LMNTD1: variants seen among roughly 807,000 people sequenced by gnomAD.
The protein encoded by LMNTD1 is lamin tail domain-containing protein 1.
A neutral mutation model predicts 50.9 loss-of-function variants in LMNTD1; 35 were observed. That is an observed-to-expected ratio of 0.69 (90% CI 0.53 to 0.91). LMNTD1 has a LOEUF of 0.91. Among genes scored for constraint, LMNTD1 ranks in the 40% least tolerant of loss-of-function variants. The pLI is 0.00. For synonymous variants in LMNTD1, 153 were observed against 161.9 expected (o/e 0.94, Z 0.42); for missense variants, 470 against 475.5 (o/e 0.99, Z 0.11).
At chr12:25,596,966 T>C (rs1182283117) in intron 1 of LMNTD1, among the ~76,000 whole-genome samples, 2 of 152,064 alleles carry the variant, frequency 1.3e-5, no homozygotes, top group East Asian at 3.9e-4. Context: ...AGGTTGTTTA[T>C]TCAACAGCGT....
intron 9 of LMNTD1, 62 bp downstream of exon 9, chr12:25,503,675 GC>G: frequency 2.4e-6 from 2 of 827,374 alleles, no homozygotes; most frequent in Non-Finnish European, 2.1e-6. Context: ...AGACATTTCT[GC>G]CCATTACTTT....
chr12:25,639,133 A>G (rs1369507935), intron 1 of LMNTD1, among the ~76,000 whole-genome samples: 1 of 152,176 alleles, frequency 6.6e-6, no homozygotes, highest in Non-Finnish European at 1.5e-5. Flanking sequence ...ATGAAGTTGG[A>G]CCCTTCCTCA....
chr12:25,597,022 C>T (rs1340750590), intron 1 of LMNTD1, among the ~76,000 whole-genome samples: 1 of 151,878 alleles, frequency 6.6e-6, no homozygotes, highest in Non-Finnish European at 1.5e-5. Flanking sequence ...ATAGTATTTG[C>T]AGGCCTCATG....
At chr12:25,511,914 C>T (rs189537318) in intron 8 of LMNTD1, among the ~76,000 whole-genome samples, 1 of 151,072 alleles carries the variant, frequency 6.6e-6, no homozygotes, top group Admixed American at 6.6e-5. Context: ...GAATGCTTTG[C>T]CCCCCCTCTT....
chr12:25,495,482 G>A (rs1939030276), intron 9 of LMNTD1, among the ~76,000 whole-genome samples: 1 of 152,078 alleles, frequency 6.6e-6, no homozygotes, highest in Non-Finnish European at 1.5e-5. Flanking sequence ...TATAAACAGA[G>A]TGCTGTTGCT....
chr12:25,546,910 C>T (rs1943469917), intron 3 of LMNTD1, among the ~76,000 whole-genome samples: 1 of 151,660 alleles, frequency 6.6e-6, no homozygotes, highest in Admixed American at 6.6e-5. Flanking sequence ...AGATATGTTA[C>T]ATATAAATAT....
intron 9 of LMNTD1, among the ~76,000 whole-genome samples, chr12:25,499,277 T>A (rs1378336080): frequency 1.3e-5 from 2 of 151,702 alleles, no homozygotes; most frequent in Non-Finnish European, 2.9e-5. Context: ...TTTCACTATG[T>A]TTCCCAGGCT....
intron 1 of LMNTD1, among the ~76,000 whole-genome samples, chr12:25,613,733 A>G (rs1946295319): frequency 6.6e-6 from 1 of 152,196 alleles, no homozygotes; most frequent in Admixed American, 6.5e-5. Context: ...ATATCAATAG[A>G]ATCTTGCTGT....
chr12:25,500,103 A>C (rs1213645969), intron 9 of LMNTD1: 1 of 152,210 alleles, frequency 6.6e-6, no homozygotes, highest in African/African-American at 2.4e-5. Flanking sequence ...TGACTGAAAA[A>C]TTTTGGAAAT....
At chr12:25,597,422 T>G (rs1254353579) in intron 1 of LMNTD1, among the ~76,000 whole-genome samples, 1 of 152,106 alleles carries the variant, frequency 6.6e-6, no homozygotes. Flanking sequence ...GGTCACTATA[T>G]AATGATAAAG....
At chr12:25,570,137 G>T (rs142685643) in intron 1 of LMNTD1, among the ~76,000 whole-genome samples, 1 of 152,084 alleles carries the variant, frequency 6.6e-6, no homozygotes, top group African/African-American at 2.4e-5. Flanking sequence ...GAGCGCCATC[G>T]TTTACAAGGC....
intron 1 of LMNTD1, among the ~76,000 whole-genome samples, chr12:25,568,691 C>G (rs1471126928): frequency 1.3e-5 from 2 of 152,222 alleles, no homozygotes; most frequent in Non-Finnish European, 2.9e-5. Flanking sequence ...TCTGCAGCTC[C>G]AGCTTCAGCC....
upstream of LMNTD1, among the ~76,000 whole-genome samples, chr12:25,554,939 G>A (rs1943974078): frequency 1.3e-5 from 2 of 152,038 alleles, no homozygotes; most frequent in East Asian, 1.9e-4. Context: ...GGTGGCGGGT[G>A]CCTGTAATCC....
chr12:25,604,561 A>G (rs928737126), intron 1 of LMNTD1, among the ~76,000 whole-genome samples: 1 of 149,170 alleles, frequency 6.7e-6, no homozygotes, highest in Non-Finnish European at 1.5e-5. Context: ...ATGTGTTCTC[A>G]TTGTTCAATT....
At chr12:25,501,895 C>G (rs1389159879) in intron 9 of LMNTD1, among the ~76,000 whole-genome samples, 2 of 152,046 alleles carry the variant, frequency 1.3e-5, no homozygotes. Context: ...AATTTTGCTC[C>G]CAGTAAGGCT....
chr12:25,564,402 G>A (rs979231109), intron 1 of LMNTD1, among the ~76,000 whole-genome samples: 1 of 152,054 alleles, frequency 6.6e-6, no homozygotes, highest in Non-Finnish European at 1.5e-5. Flanking sequence ...GGGATTACAG[G>A]TGCCCACCAC....
chr12:25,631,167 ACAT>A (rs1481886017), intron 1 of LMNTD1, among the ~76,000 whole-genome samples: 1 of 152,148 alleles, frequency 6.6e-6, no homozygotes, highest in Admixed American at 6.5e-5. Context: ...CTGAGCTCAG[ACAT>A]GCCTAGCCCC....
chr12:25,580,401 G>A (rs916554760), intron 1 of LMNTD1, among the ~76,000 whole-genome samples: 7 of 151,992 alleles, frequency 4.6e-5, no homozygotes, highest in Non-Finnish European at 1.0e-4. Flanking sequence ...TACTTGTTCA[G>A]CACAAGTATT....
intron 9 of LMNTD1, among the ~76,000 whole-genome samples, chr12:25,485,391 G>A (rs11048068): frequency 0.21 from 22,062 of 103,756 alleles, 2,946 homozygotes; most frequent in East Asian, 0.64. Flanking sequence ...GTTCATTGTA[G>A]ATTCTGGATA....
Sources: allele counts gnomAD v4.1 joint callset (sites outside exome capture counted in the v4.1 genomes callset), GRCh38; gene constraint gnomAD v4.1.1; transcripts MANE v1.5; gene names NCBI Gene and HGNC (gene_info 2026-07-23, HGNC 2026-07-21).